Variants in ARHGAP24 observed in about 807,000 individuals in gnomAD.
ARHGAP24 encodes the protein Rho GTPase activating protein 24, also known as rho GTPase-activating protein 24.
A neutral mutation model predicts 76.4 loss-of-function variants in ARHGAP24; 50 were observed. That is an observed-to-expected ratio of 0.65 (90% CI 0.52 to 0.83). The LOEUF (loss-of-function observed/expected upper bound fraction) is 0.83. Ranked by LOEUF, ARHGAP24 falls within the 40% of genes least tolerant of loss-of-function variation. ARHGAP24 has a pLI of 0.00. For missense variants in ARHGAP24, 930 were observed against 914.2 expected, an observed-to-expected ratio of 1.02 and a Z score of -0.22; for synonymous variants, 345 against 323.3, an observed-to-expected ratio of 1.07 and a Z score of -0.72.
intron 3 of ARHGAP24, chr4:85,723,755 A>T (rs942887513): frequency 6.6e-6 from 1 of 152,192 alleles, no homozygotes; most frequent in Non-Finnish European, 1.5e-5. Flanking sequence ...TGGAAAGACA[A>T]AGCACTACAT....
intron 8 of ARHGAP24, among the ~76,000 whole-genome samples, chr4:85,984,577 T>C (rs1301746465): frequency 1.3e-5 from 2 of 151,936 alleles, no homozygotes; most frequent in Admixed American, 1.3e-4. Context: ...AAAATATGAA[T>C]CTTGTTGGGG....
At chr4:85,590,844 A>G (rs1381472752) in intron 2 of ARHGAP24, among the ~76,000 whole-genome samples, 1 of 152,164 alleles carries the variant, frequency 6.6e-6, no homozygotes, top group Non-Finnish European at 1.5e-5. Flanking sequence ...AAAATTTAAC[A>G]TAAGGATCTT....
At chr4:85,936,710 G>C (rs796494276) in intron 4 of ARHGAP24, among the ~76,000 whole-genome samples, 8 of 152,174 alleles carry the variant, frequency 5.3e-5, no homozygotes, top group African/African-American at 1.9e-4. Flanking sequence ...TCAAGCTTTG[G>C]GTCTAGAGTA....
chr4:85,883,430 A>G (rs1560694147), intron 3 of ARHGAP24, among the ~76,000 whole-genome samples: 1 of 152,276 alleles, frequency 6.6e-6, no homozygotes, highest in East Asian at 1.9e-4. Context: ...CTGAAAATGC[A>G]CTATGATAAG....
intron 3 of ARHGAP24, among the ~76,000 whole-genome samples, chr4:85,860,011 T>C (rs1360986560): frequency 6.6e-6 from 1 of 152,158 alleles, no homozygotes; most frequent in Admixed American, 6.6e-5. Context: ...GCAGCCTTAA[T>C]ATTTAATGCT....
chr4:85,786,735 C>T (rs1727861795), intron 3 of ARHGAP24, among the ~76,000 whole-genome samples: 1 of 152,158 alleles, frequency 6.6e-6, no homozygotes, highest in Non-Finnish European at 1.5e-5. Context: ...CTTCTTCCTT[C>T]CCCTCAGGCT....
At chr4:85,653,237 C>G (rs1722011704) in intron 2 of ARHGAP24, among the ~76,000 whole-genome samples, 2 of 151,978 alleles carry the variant, frequency 1.3e-5, no homozygotes, top group African/African-American at 4.8e-5. Context: ...TATCATTGTT[C>G]TAGCTGGCGA....
chr4:85,916,818 T>C (rs796906930), intron 3 of ARHGAP24, among the ~76,000 whole-genome samples: 8 of 152,286 alleles, frequency 5.3e-5, no homozygotes, highest in African/African-American at 1.9e-4. Flanking sequence ...TGTTTAAAAA[T>C]TTAAATGCAA....
At chr4:85,971,625 A>G (rs1463295698) in intron 5 of ARHGAP24, among the ~76,000 whole-genome samples, 5 of 152,092 alleles carry the variant, frequency 3.3e-5, no homozygotes, top group African/African-American at 1.2e-4. Context: ...TAAGCATTCC[A>G]ATTATACTGT....
chr4:85,650,835 T>C (rs889363998), intron 2 of ARHGAP24, among the ~76,000 whole-genome samples: 1 of 149,266 alleles, frequency 6.7e-6, no homozygotes, highest in African/African-American at 2.6e-5. Flanking sequence ...CTAAAGGAGG[T>C]CATTTCTGCT....
At chr4:85,718,616 A>T (rs1317782234) in intron 2 of ARHGAP24, among the ~76,000 whole-genome samples, 1 of 152,118 alleles carries the variant, frequency 6.6e-6, no homozygotes, top group Non-Finnish European at 1.5e-5. Context: ...AAAGGACTTT[A>T]TTTTATTTAC....
chr4:85,851,734 C>T (rs1246134466), intron 3 of ARHGAP24, among the ~76,000 whole-genome samples: 1 of 152,150 alleles, frequency 6.6e-6, no homozygotes, highest in Non-Finnish European at 1.5e-5. Flanking sequence ...ATATGAAATT[C>T]TGGGTTGTAA....
At chr4:85,988,656 A>T (rs944762790) in intron 8 of ARHGAP24, among the ~76,000 whole-genome samples, 1 of 151,618 alleles carries the variant, frequency 6.6e-6, no homozygotes, top group Admixed American at 6.6e-5. Context: ...AGGAGCAATT[A>T]TCAGATGCAA....
At chr4:85,996,393 T>A (rs1428353173) in intron 9 of ARHGAP24, among the ~76,000 whole-genome samples, 1 of 152,252 alleles carries the variant, frequency 6.6e-6, no homozygotes, top group African/African-American at 2.4e-5. Context: ...AATGTGCATC[T>A]TCTCATAAAA....
intron 2 of ARHGAP24, among the ~76,000 whole-genome samples, chr4:85,689,050 A>T (rs1349810464): frequency 6.6e-6 from 1 of 152,102 alleles, no homozygotes; most frequent in Non-Finnish European, 1.5e-5. Flanking sequence ...TGGTTCCATA[A>T]AATTTAGAAT....
intron 3 of ARHGAP24, among the ~76,000 whole-genome samples, chr4:85,839,895 G>T (rs1478982446): frequency 1.5e-5 from 2 of 132,422 alleles, no homozygotes; most frequent in Admixed American, 1.7e-4. Context: ...TATCACCCAG[G>T]CTGGAGTGCA....
At chr4:85,883,342 G>A (rs1733363957) in intron 3 of ARHGAP24, among the ~76,000 whole-genome samples, 1 of 152,182 alleles carries the variant, frequency 6.6e-6, no homozygotes, top group Non-Finnish European at 1.5e-5. Context: ...TGAATCAACT[G>A]AATCACTTGG....
chr4:85,726,867 A>T (rs1255921346), intron 3 of ARHGAP24, among the ~76,000 whole-genome samples: 1 of 152,166 alleles, frequency 6.6e-6, no homozygotes, highest in African/African-American at 2.4e-5. Context: ...AATTTGATCC[A>T]GGTTAAAAAG....
At chr4:85,562,434 G>A (rs1726635264) in intron 1 of ARHGAP24, among the ~76,000 whole-genome samples, 1 of 152,032 alleles carries the variant, frequency 6.6e-6, no homozygotes, top group Non-Finnish European at 1.5e-5. Context: ...GTGTGTGTGT[G>A]TACGTGTGTC....
Sources: allele counts gnomAD v4.1 joint callset (sites outside exome capture counted in the v4.1 genomes callset), GRCh38; gene constraint gnomAD v4.1.1; transcripts MANE v1.5; gene names NCBI Gene and HGNC (gene_info 2026-07-23, HGNC 2026-07-21).